SORCS1: variants seen among roughly 807,000 people sequenced by gnomAD.
SORCS1 encodes the protein sortilin related VPS10 domain containing receptor 1, also known as VPS10 domain-containing receptor SorCS1.
A neutral mutation model predicts 146.1 loss-of-function variants in SORCS1; 60 were observed. The observed-to-expected ratio is 0.41, with a 90% CI of 0.33 to 0.51. The LOEUF is 0.51. Ranked by LOEUF, SORCS1 falls within the 20% of genes least tolerant of loss-of-function variation. The pLI is 0.21. For missense variants in SORCS1, 1,352 were observed against 1,487.6 expected (o/e 0.91, Z 1.50); for synonymous variants, 637 against 584.0 (o/e 1.09, Z -1.31).
chr10:106,652,099 C>CTTTT (rs1849908062), intron 18 of SORCS1, among the ~76,000 whole-genome samples: 1 of 152,040 alleles, frequency 6.6e-6, no homozygotes, highest in Admixed American at 6.6e-5. Context: ...ATGGATTTTG[C>CTTTT]TAAAAGTGCC....
intron 17 of SORCS1, among the ~76,000 whole-genome samples, chr10:106,658,766 A>T (rs1414682552): frequency 6.6e-6 from 1 of 152,232 alleles, no homozygotes; most frequent in Admixed American, 6.5e-5. Context: ...TAGATCTCTC[A>T]CATGAAGATA....
At chr10:106,808,739 T>C (rs1040001814) in intron 3 of SORCS1, among the ~76,000 whole-genome samples, 1 of 152,152 alleles carries the variant, frequency 6.6e-6, no homozygotes, top group African/African-American at 2.4e-5. Context: ...CCTGACCTCA[T>C]GATCCGCCCA....
intron 1 of SORCS1, among the ~76,000 whole-genome samples, chr10:107,053,817 T>C (rs969993124): frequency 6.6e-6 from 1 of 152,184 alleles, no homozygotes; most frequent in Admixed American, 6.5e-5. Context: ...TTCAATCATA[T>C]AGTTTACCTC....
intron 19 of SORCS1, 56 bp from the exon 20 acceptor site, chr10:106,620,617 C>A: frequency 6.3e-7 from 1 of 1,588,312 alleles, no homozygotes; most frequent in Non-Finnish European, 8.6e-7. Context: ...TCTGCTCTGT[C>A]CTCCCTGCTC....
intron 1 of SORCS1, among the ~76,000 whole-genome samples, chr10:107,011,303 G>A (rs930014527): frequency 3.9e-5 from 6 of 152,176 alleles, no homozygotes; most frequent in Non-Finnish European, 7.3e-5. Flanking sequence ...TTATGCCAAT[G>A]CCGCCTCCTA....
intron 1 of SORCS1, among the ~76,000 whole-genome samples, chr10:107,119,036 G>A (rs188865640): frequency 2.0e-5 from 3 of 152,278 alleles, no homozygotes; most frequent in Admixed American, 1.3e-4. Context: ...CTTTGCTGCA[G>A]CATCAACTAA....
chr10:106,710,587 T>A (rs1490125864), intron 6 of SORCS1, among the ~76,000 whole-genome samples: 1 of 152,200 alleles, frequency 6.6e-6, no homozygotes, highest in African/African-American at 2.4e-5. Flanking sequence ...TTGGTCGCTA[T>A]TGCTGGAAAT....
chr10:106,917,945 GT>G (rs1232084122), intron 2 of SORCS1, among the ~76,000 whole-genome samples: 1 of 152,046 alleles, frequency 6.6e-6, no homozygotes, highest in Non-Finnish European at 1.5e-5. Flanking sequence ...CTTAGTAATT[GT>G]TTTCTCAATA....
intron 1 of SORCS1, among the ~76,000 whole-genome samples, chr10:107,123,691 G>A (rs541870810): frequency 6.6e-6 from 1 of 152,248 alleles, no homozygotes; most frequent in South Asian, 2.1e-4. Flanking sequence ...CCTGGAGACA[G>A]AAAATAAGGG....
the SORCS1 span, among the ~76,000 whole-genome samples, chr10:107,179,963 C>CTAGA: frequency 1.8e-5 from 2 of 114,280 alleles, no homozygotes; most frequent in Admixed American, 2.6e-4. Flanking sequence ...GTCACCCAGG[C>CTAGA]TAGAGTGCAG....
intron 9 of SORCS1, among the ~76,000 whole-genome samples, chr10:106,694,298 C>G (rs192849123): frequency 6.6e-6 from 1 of 152,120 alleles, no homozygotes; most frequent in Non-Finnish European, 1.5e-5. Flanking sequence ...GAGGAGGAGT[C>G]TTGCTCTGTC....
At chr10:106,660,872 A>T (rs757046086) in intron 17 of SORCS1, among the ~76,000 whole-genome samples, 8 of 152,214 alleles carry the variant, frequency 5.3e-5, no homozygotes, top group Admixed American at 1.3e-4. Context: ...CTACAGATAG[A>T]AATTTCTAAA....
At chr10:106,898,816 T>C (rs950033507) in intron 2 of SORCS1, among the ~76,000 whole-genome samples, 1 of 152,212 alleles carries the variant, frequency 6.6e-6, no homozygotes, top group Non-Finnish European at 1.5e-5. Context: ...AAGCCATTCA[T>C]TGTTGCCTTT....
At chr10:106,889,592 G>A (rs1589639644) in intron 2 of SORCS1, among the ~76,000 whole-genome samples, 1 of 150,784 alleles carries the variant, frequency 6.6e-6, no homozygotes, top group South Asian at 2.1e-4. Context: ...GTGAAACCCC[G>A]TCTCTACTAA....
At chr10:107,131,424 GA>G (rs1467418195) in intron 1 of SORCS1, among the ~76,000 whole-genome samples, 1 of 152,220 alleles carries the variant, frequency 6.6e-6, no homozygotes, top group Non-Finnish European at 1.5e-5. Context: ...CATTTTGGAT[GA>G]AAGCCTCTCT....
intron 1 of SORCS1, among the ~76,000 whole-genome samples, chr10:107,009,044 T>A (rs541781114): frequency 1.3e-5 from 2 of 152,326 alleles, no homozygotes; most frequent in African/African-American, 2.4e-5. Flanking sequence ...TCTATTTTGT[T>A]TGCTTTGGTA....
At chr10:107,102,976 C>T (rs549281029) in intron 1 of SORCS1, among the ~76,000 whole-genome samples, 7 of 152,190 alleles carry the variant, frequency 4.6e-5, no homozygotes, top group Admixed American at 1.3e-4. Context: ...TGAAATAGCA[C>T]CAAAATAATG....
chr10:107,029,935 A>G (rs1958574573), intron 1 of SORCS1, among the ~76,000 whole-genome samples: 1 of 152,234 alleles, frequency 6.6e-6, no homozygotes, highest in Non-Finnish European at 1.5e-5. Context: ...CATCACAGCA[A>G]TGAAAGAGTT....
At chr10:106,863,579 T>C (rs1478999371) in intron 2 of SORCS1, among the ~76,000 whole-genome samples, 1 of 146,218 alleles carries the variant, frequency 6.8e-6, no homozygotes, top group African/African-American at 2.5e-5. Context: ...CCTCATGAAA[T>C]AGAGATGATT....
Sources: allele counts gnomAD v4.1 joint callset (sites outside exome capture counted in the v4.1 genomes callset), GRCh38; gene constraint gnomAD v4.1.1; transcripts MANE v1.5; gene names NCBI Gene and HGNC (gene_info 2026-07-23, HGNC 2026-07-21).